Variants in PBX1 observed in about 807,000 individuals in gnomAD.
The protein encoded by PBX1 is PBX homeobox 1.
PBX1 carries 6 observed loss-of-function variants against 53.4 expected under a neutral mutation model. The ratio of observed to expected loss-of-function variants is 0.11; its 90% CI spans 0.06 to 0.22. The LOEUF (loss-of-function observed/expected upper bound fraction) is 0.22, where lower values mean the gene tolerates loss of function less well. PBX1 is among the 10% of genes least tolerant of loss of function. The pLI is 1.00. For missense variants in PBX1, 251 were observed against 551.4 expected (o/e 0.46, Z 5.46); for synonymous variants, 204 against 212.3 (o/e 0.96, Z 0.34).
At chr1:164,650,459 C>A (rs1042764483) in intron 2 of PBX1, among the ~76,000 whole-genome samples, 1 of 152,056 alleles carries the variant, frequency 6.6e-6, no homozygotes. Flanking sequence ...GGACTCCTGA[C>A]AAGTGATCCG....
intron 2 of PBX1, among the ~76,000 whole-genome samples, chr1:164,658,931 T>C (rs556513302): frequency 3.3e-5 from 5 of 152,258 alleles, no homozygotes; most frequent in Non-Finnish European, 5.9e-5. Flanking sequence ...GATACAGTTA[T>C]TAAATGACAG....
chr1:164,831,768 G>C (rs1670777326), intron 8 of PBX1, among the ~76,000 whole-genome samples: 1 of 152,108 alleles, frequency 6.6e-6, no homozygotes, highest in African/African-American at 2.4e-5. Context: ...AGAAGGAAAT[G>C]GAAGGACAGG....
intron 2 of PBX1, among the ~76,000 whole-genome samples, chr1:164,751,969 A>C (rs2102197175): frequency 6.6e-6 from 1 of 152,262 alleles, no homozygotes; most frequent in South Asian, 2.1e-4. Context: ...TATAAACAGA[A>C]GCTATTTGGA....
At chr1:164,712,177 T>TAA (rs35903765) in intron 2 of PBX1, among the ~76,000 whole-genome samples, 65,583 of 128,636 alleles carry the variant, frequency 0.51, 17,012 homozygotes, top group Middle Eastern at 0.71. Flanking sequence ...AAGAAGAGAT[T>TAA]AAAAAAAAAA....
At chr1:164,812,772 T>A (rs888069198) in intron 6 of PBX1, 1 of 152,226 alleles carries the variant, frequency 6.6e-6, no homozygotes. Context: ...ATGCATTATA[T>A]CACTAATTTA....
intron 2 of PBX1, among the ~76,000 whole-genome samples, chr1:164,718,760 G>T (rs904667659): frequency 1.3e-5 from 2 of 152,172 alleles, no homozygotes; most frequent in African/African-American, 4.8e-5. Flanking sequence ...GTGTGAATAT[G>T]GTGGAGATAT....
At chr1:164,588,138 G>A (rs540982753) in intron 2 of PBX1, among the ~76,000 whole-genome samples, 1 of 152,254 alleles carries the variant, frequency 6.6e-6, no homozygotes, top group Admixed American at 6.5e-5. Flanking sequence ...CCATCGCAGG[G>A]AGCTGAAAAA....
At chr1:164,871,387 C>G (rs1297531541) in intron 2 of PBX1, among the ~76,000 whole-genome samples, 1 of 152,094 alleles carries the variant, frequency 6.6e-6, no homozygotes. Flanking sequence ...ACTTATTGGC[C>G]CAATAAAGCA....
At chr1:164,582,208 CTT>C (rs1435905209) in intron 2 of PBX1, among the ~76,000 whole-genome samples, 1 of 152,168 alleles carries the variant, frequency 6.6e-6, no homozygotes, top group Non-Finnish European at 1.5e-5. Context: ...GCTACTGTCT[CTT>C]TGGGTCAAAC....
At chr1:164,792,814 A>G in intron 3 of PBX1, 76 bp downstream of exon 3, 2 of 1,119,806 alleles carry the variant, frequency 1.8e-6, no homozygotes, top group Non-Finnish European at 2.5e-6. Context: ...CGGGGCTTGC[A>G]GAGAGGAGCG....
At chr1:164,823,285 G>C (rs984890345) in intron 8 of PBX1, among the ~76,000 whole-genome samples, 38 of 152,226 alleles carry the variant, frequency 2.5e-4, no homozygotes, top group East Asian at 1.7e-3. Flanking sequence ...AGCCATTGTG[G>C]GAAAGTGTAT....
intron 2 of PBX1, among the ~76,000 whole-genome samples, chr1:164,722,556 A>T (rs1664467681): frequency 6.6e-6 from 1 of 152,222 alleles, no homozygotes; most frequent in African/African-American, 2.4e-5. Context: ...CTGCATGCCT[A>T]ACTGGGCTTT....
chr1:164,847,539 T>G lies in PBX1; in HGVS notation c.*863T>G. 4 of 1,062,532 alleles carry G rather than the reference T, an allele frequency of 3.8e-6. No homozygotes were observed. The highest frequency in any genetic ancestry group is 4.6e-6 in the Non-Finnish European group (4 of 877,592). The allele number at this position is 1,062,532 out of a possible 1,614,324, so 65.8% of individuals were successfully genotyped here. ...ACCTATTGCAAAACTGGGCCTGAGT[T>G]AGGCATGGTGATGAATGCATCAGCA... On this transcript the variant is annotated 3_prime_UTR_variant, in exon 9 of 9. Transcript: ENST00000420696.
intron 2 of PBX1, among the ~76,000 whole-genome samples, chr1:164,773,236 A>AACACACACAC (rs1193168258): frequency 3.5e-4 from 17 of 48,046 alleles, no homozygotes; most frequent in African/African-American, 1.7e-3. Flanking sequence ...GCATATAGGT[A>AACACACACAC]ACACGCGCAC....
At chr1:164,604,397 G>T (rs1188107694) in intron 2 of PBX1, among the ~76,000 whole-genome samples, 1 of 152,102 alleles carries the variant, frequency 6.6e-6, no homozygotes, top group Non-Finnish European at 1.5e-5. Context: ...TTACTCTAAG[G>T]GTTACAATCT....
At position 164,739,762 on chromosome 1, in the gene PBX1, TGTGTGTGTGTG is replaced by T. The variant is rs1557977376; in HGVS notation, c.266-52731_266-52721del. On this transcript the variant is annotated intron_variant, in intron 2 of 8. Coordinates refer to ENST00000420696, the MANE Select transcript of PBX1 (RefSeq NM_002585.4). Reference sequence around the variant, plus strand: ...CATGAAGTGGTTGTGCATGTGTGTGTGTGTGTGTGTGTGTGTGTGTGTGTGTGTATGTATAT... The same window carrying T: ...CATGAAGTGGTTGTGCATGTGTGTGTTGTGTGTGTGTGTGTGTATGTATAT... 4.6e-4 allele frequency among the ~76,000 whole-genome samples: 50 copies of T among 108,804 alleles called. No homozygotes were observed. The East Asian group carries it at 9.1e-3, about 20-fold the overall frequency. 71.4% of individuals were successfully genotyped at this position (108,804 alleles called of 152,430 possible). A position where few individuals can be genotyped will look rare whatever the true frequency, so the allele number is the denominator to read the frequency against.
In PBX1 at chr1:164,812,022, G is replaced by A. The variant is rs908352825; in HGVS notation, c.870G>A (p.Arg290=). 4 of 1,613,392 alleles carry A rather than the reference G, an allele frequency of 2.5e-6. No individual in the cohort carries two copies. The highest frequency in any genetic ancestry group is 2.2e-5 in the South Asian group (2 of 90,960). Residue 290 remains arginine (R), a synonymous_variant, in exon 6 of 9, where the codon CGG becomes CGA. Transcript: ENST00000420696. ...ACTGGTTTGGAAATAAGCGAATCCG[G>A]TACAAGAAGAACATAGGTAAATTTC... The part of the protein sequence containing the change: ...VSNWFGNKRI[R]YKKNIGKFQE...
At chr1:164,814,439 A>G (rs536424981) in intron 6 of PBX1, 2 of 152,242 alleles carry the variant, frequency 1.3e-5, no homozygotes, top group East Asian at 1.9e-4. Context: ...ACTCATTTCT[A>G]TTGTAAAGAA....
At position 164,783,443 on chromosome 1, in the gene PBX1, A is replaced by ATCCTGGTTTCTTCTGTG. The variant is rs548725420; in HGVS notation, c.266-9049_266-9033dup. ...ATGTGTGTATGTATATTCTTGGCTT[A>ATCCTGGTTTCTTCTGTG]TCCTGGTTTCTTCTGTGTTGTTGAT... is the stretch of plus-strand genomic sequence containing the variant. On this transcript the variant is annotated intron_variant, in intron 2 of 8. Transcript: ENST00000420696. Among the ~76,000 whole-genome samples the ATCCTGGTTTCTTCTGTG allele has an allele frequency of 2.6e-5, 4 of 152,246 alleles. No individual in the cohort carries two copies. In the East Asian group the frequency reaches 7.7e-4, roughly 29 times the overall value.
Sources: gnomAD v4.1 joint callset for allele counts (sites outside exome capture counted in the v4.1 genomes callset) on GRCh38, gnomAD v4.1.1 for gene constraint, MANE v1.5 for transcripts, NCBI Gene and HGNC (gene_info 2026-07-23, HGNC 2026-07-21) for gene names.